Variants in GPC6 observed in about 807,000 individuals in gnomAD.
The protein encoded by GPC6 is glypican 6, also known as glypican-6.
A neutral mutation model predicts 55.2 loss-of-function variants in GPC6; 14 were observed. The ratio of observed to expected loss-of-function variants is 0.25; its 90% CI spans 0.17 to 0.40. The LOEUF is 0.40. Among genes scored for constraint, GPC6 ranks in the 10% least tolerant of loss-of-function variants. The pLI is 1.00. For synonymous variants in GPC6, 278 were observed against 259.6 expected, an observed-to-expected ratio of 1.07 and a Z score of -0.68; for missense variants, 641 against 708.5, an observed-to-expected ratio of 0.90 and a Z score of 1.08.
chr13:93,457,777 C>T (rs982363104), intron 1 of GPC6, among the ~76,000 whole-genome samples: 1 of 151,948 alleles, frequency 6.6e-6, no homozygotes, highest in Middle Eastern at 3.2e-3. Context: ...AAGAGGAGAA[C>T]CAGAGATACT....
chr13:94,120,452 G>A lies in GPC6; in HGVS notation c.877+92558G>A, dbSNP rs1402088450. Among the ~76,000 whole-genome samples, 15 of 151,940 alleles carry A rather than the reference G, an allele frequency of 9.9e-5. No individual in the cohort carries two copies. In the South Asian group the frequency reaches 1.5e-3, roughly 15 times the overall value. ...TATTCTTAAAGGCCAGGTTTCTTCC[G>A]GTTAATGTTTCTGAAATCAGGATTA... On this transcript the variant is annotated intron_variant, in intron 4 of 8. Coordinates refer to ENST00000377047, the MANE Select transcript of GPC6 (RefSeq NM_005708.5).
intron 3 of GPC6, among the ~76,000 whole-genome samples, chr13:93,939,253 T>C (rs981316651): frequency 3.3e-5 from 5 of 151,330 alleles, no homozygotes; most frequent in Admixed American, 6.6e-5. Context: ...GAAATTCTTC[T>C]TTAATGTTTT....
intron 3 of GPC6, among the ~76,000 whole-genome samples, chr13:93,927,929 G>A (rs1282156710): frequency 2.0e-5 from 3 of 152,052 alleles, no homozygotes; most frequent in East Asian, 3.9e-4. Flanking sequence ...GGGGATGAAA[G>A]TCACAATCCA....
chr13:93,700,451 C>G (rs1307159958), intron 2 of GPC6, among the ~76,000 whole-genome samples: 1 of 152,214 alleles, frequency 6.6e-6, no homozygotes, highest in Non-Finnish European at 1.5e-5. Context: ...TACAGAAGCA[C>G]TAACCCTGAC....
At chr13:93,860,462 T>C (rs1888774675) in intron 3 of GPC6, among the ~76,000 whole-genome samples, 1 of 151,662 alleles carries the variant, frequency 6.6e-6, no homozygotes, top group African/African-American at 2.4e-5. Flanking sequence ...GGGTAGTTTT[T>C]TCTGGATATA....
At position 93,545,388 on chromosome 13, in the gene GPC6, A is replaced by G. The variant is rs1225825411; in HGVS notation, c.286A>G (p.Thr96Ala). The G allele has an allele frequency of 4.3e-6, 7 of 1,613,880 alleles. No individual in the cohort carries two copies. The highest frequency in any genetic ancestry group is 3.3e-5 in the Admixed American group (2 of 59,990). Residue 96 changes from threonine (T) to alanine (A), a missense_variant, in exon 2 of 9, where the codon ACC (threonine) becomes GCC (alanine). By Grantham distance (58) the Thr-to-Ala change is moderately conservative (BLOSUM62 0). Transcript: ENST00000377047. ...LVEETSHFVR[T>A]TFVSRHKKFD... Reference sequence around the variant, plus strand: ...GGAAGAGACAAGCCATTTTGTGCGCACCACTTTTGTGTCCAGGCATAAGAA... The same window carrying G: ...GGAAGAGACAAGCCATTTTGTGCGCGCCACTTTTGTGTCCAGGCATAAGAA...
chr13:94,268,290 G>A (rs1891877658), intron 4 of GPC6, among the ~76,000 whole-genome samples: 1 of 152,188 alleles, frequency 6.6e-6, no homozygotes, highest in South Asian at 2.1e-4. Flanking sequence ...TTTTTGAAAA[G>A]TGTAGCAGCC....
intron 1 of GPC6, among the ~76,000 whole-genome samples, chr13:93,453,882 G>A (rs1878326164): frequency 6.6e-6 from 1 of 152,064 alleles, no homozygotes; most frequent in South Asian, 2.1e-4. Context: ...AGTGTGGAAG[G>A]GGACCTGAGC....
chr13:94,366,245 C>T (rs1879282235), intron 6 of GPC6, among the ~76,000 whole-genome samples: 1 of 152,180 alleles, frequency 6.6e-6, no homozygotes. Context: ...AATGTTCAAA[C>T]ATTAAACTTT....
At chr13:93,905,682 AT>A (rs1594576418) in intron 3 of GPC6, among the ~76,000 whole-genome samples, 3 of 152,316 alleles carry the variant, frequency 2.0e-5, no homozygotes, top group African/African-American at 7.2e-5. Flanking sequence ...GCAAAAGCAA[AT>A]AAATTGCTTT....
chr13:94,102,680 A>G (rs1328805046), intron 4 of GPC6, among the ~76,000 whole-genome samples: 3 of 152,096 alleles, frequency 2.0e-5, no homozygotes, highest in African/African-American at 4.8e-5. Flanking sequence ...GGAAAAAAAG[A>G]TAATATAAGA....
At position 94,029,035 on chromosome 13, in the gene GPC6, C is replaced by T. The variant is rs1883011252; in HGVS notation, c.877+1141C>T. 1.3e-5 allele frequency among the ~76,000 whole-genome samples: 2 copies of T among 152,196 alleles called. 1 individual carries two copies. The highest frequency in any genetic ancestry group is 2.9e-5 in the Non-Finnish European group (2 of 68,036). On this transcript the variant is annotated intron_variant, in intron 4 of 8. Coordinates refer to ENST00000377047, the MANE Select transcript of GPC6 (RefSeq NM_005708.5). ...TTTGTCAGCCTCTGAGGGCCTTCGT[C>T]ATTTATGCAAACCTCTAAACGAGCA... is the stretch of plus-strand genomic sequence containing the variant.
At chr13:93,519,914 A>G (rs1326506541) in intron 1 of GPC6, among the ~76,000 whole-genome samples, 3 of 152,052 alleles carry the variant, frequency 2.0e-5, no homozygotes, top group African/African-American at 7.2e-5. Context: ...GAATTTTGTC[A>G]TCAGCTAAGA....
chr13:93,444,814 C>T (rs761726706), intron 1 of GPC6, among the ~76,000 whole-genome samples: 3 of 152,282 alleles, frequency 2.0e-5, no homozygotes, highest in Non-Finnish European at 4.4e-5. Flanking sequence ...TTGTATATGT[C>T]ATATGCAGTT....
intron 4 of GPC6, among the ~76,000 whole-genome samples, chr13:94,199,099 T>C (rs1338956921): frequency 6.6e-6 from 1 of 152,226 alleles, no homozygotes; most frequent in Non-Finnish European, 1.5e-5. Context: ...TGAAAAGCCT[T>C]TGTGCTGGAA....
At chr13:93,305,559 C>T (rs1389912764) in intron 1 of GPC6, among the ~76,000 whole-genome samples, 3 of 152,108 alleles carry the variant, frequency 2.0e-5, no homozygotes, top group Admixed American at 1.3e-4. Flanking sequence ...CATGAAAGAG[C>T]CACGGAGATA....
intron 4 of GPC6, among the ~76,000 whole-genome samples, chr13:94,057,145 T>C (rs191006378): frequency 2.0e-5 from 3 of 152,304 alleles, no homozygotes; most frequent in Non-Finnish European, 1.5e-5. Flanking sequence ...CAATGTTACA[T>C]AGTGAATGAA....
chr13:93,461,598 T>G (rs893770251), intron 1 of GPC6, among the ~76,000 whole-genome samples: 11 of 129,330 alleles, frequency 8.5e-5, no homozygotes, highest in Non-Finnish European at 1.5e-4. Context: ...TTCTAAATCA[T>G]AGGAAATCTA....
chr13:93,869,200 G>A (rs553046313), intron 3 of GPC6, among the ~76,000 whole-genome samples: 18 of 151,894 alleles, frequency 1.2e-4, no homozygotes, highest in African/African-American at 3.6e-4. Context: ...ATTGCCAGTC[G>A]ATGGTCTGAT....
Sources: gnomAD v4.1 joint callset for allele counts (sites outside exome capture counted in the v4.1 genomes callset) on GRCh38, gnomAD v4.1.1 for gene constraint, MANE v1.5 for transcripts, NCBI Gene and HGNC (gene_info 2026-07-23, HGNC 2026-07-21) for gene names.